SORCS2: variants seen among roughly 807,000 people sequenced by gnomAD.
SORCS2 encodes the protein VPS10 domain-containing receptor SorCS2.
A neutral mutation model predicts 141.6 loss-of-function variants in SORCS2; 100 were observed. That is an observed-to-expected ratio of 0.71 (90% CI 0.60 to 0.83). The LOEUF (loss-of-function observed/expected upper bound fraction) is 0.83. SORCS2 is among the 40% of genes least tolerant of loss of function. SORCS2 has a pLI of 0.00. For missense variants in SORCS2, 1,646 were observed against 1,560.2 expected (o/e 1.05, Z -0.93); for synonymous variants, 789 against 676.9 (o/e 1.17, Z -2.57).
chr4:7,211,068 A>G (rs1215638746), intron 1 of SORCS2, among the ~76,000 whole-genome samples: 8 of 152,268 alleles, frequency 5.3e-5, no homozygotes, highest in Non-Finnish European at 1.2e-4. Flanking sequence ...CACTTGTGCA[A>G]GAAATTTTTG....
chr4:7,440,927 C>G (rs2884810), intron 2 of SORCS2, among the ~76,000 whole-genome samples: 28,218 of 151,952 alleles, frequency 0.19, 2,807 homozygotes, highest in East Asian at 0.33. Flanking sequence ...TGGCTCTTTG[C>G]GGTGGAGAGA....
rs1164215512 is a variant in SORCS2, at chr4:7,648,972, C to A, written c.814-5162C>A. Among the ~76,000 whole-genome samples, 1 of 152,164 alleles carries A rather than the reference C, an allele frequency of 6.6e-6. No homozygotes were observed. Among genetic ancestry groups the A allele is most frequent in the Non-Finnish European group, 1.5e-5 (1 of 68,024 alleles). On this transcript the variant is annotated intron_variant, in intron 4 of 26. Coordinates refer to ENST00000507866, the MANE Select transcript of SORCS2 (RefSeq NM_020777.3). This position sits in a 1 kb window ranked among gnomAD's most constrained non-coding sequence, Gnocchi z 4.2. ...ACGCCTGGGGATCCCTCCCCCGAGC[C>A]CAGCTGGCACTGGCACCAGGACATG...
intron 9 of SORCS2, among the ~76,000 whole-genome samples, chr4:7,682,253 A>G (rs775874075): frequency 6.6e-6 from 1 of 152,162 alleles, no homozygotes; most frequent in Non-Finnish European, 1.5e-5. Context: ...TCCTGTCTTC[A>G]TTCCTTGGCA....
intron 2 of SORCS2, among the ~76,000 whole-genome samples, chr4:7,455,076 G>GCA (rs1728797014): frequency 1.3e-5 from 1 of 79,868 alleles, no homozygotes; most frequent in Non-Finnish European, 2.5e-5. Flanking sequence ...GGGGTCAGCT[G>GCA]CTGTGTTGGG....
At chr4:7,525,053 G>A (rs1294647686) in intron 2 of SORCS2, among the ~76,000 whole-genome samples, 3 of 152,228 alleles carry the variant, frequency 2.0e-5, no homozygotes, top group Non-Finnish European at 2.9e-5. Context: ...GGCCGGGCAC[G>A]CCCACTGGGC....
chr4:7,411,279 C>A (rs1237322340), intron 2 of SORCS2, among the ~76,000 whole-genome samples: 2 of 152,032 alleles, frequency 1.3e-5, no homozygotes, highest in African/African-American at 4.8e-5. Context: ...GACTTTAATA[C>A]CTGCCCTCCC....
chr4:7,476,380 C>G (rs12499417), intron 2 of SORCS2, among the ~76,000 whole-genome samples: 19,198 of 152,130 alleles, frequency 0.13, 1,586 homozygotes, highest in South Asian at 0.24. Flanking sequence ...CTGGGGCTGG[C>G]TGGGCAGAGT....
intron 3 of SORCS2, among the ~76,000 whole-genome samples, chr4:7,630,380 G>T (rs994505990): frequency 6.6e-6 from 1 of 152,208 alleles, no homozygotes; most frequent in African/African-American, 2.4e-5. Flanking sequence ...GCAACAAAAA[G>T]AATGAAGACC....
intron 1 of SORCS2, among the ~76,000 whole-genome samples, chr4:7,269,929 G>C (rs1202611753): frequency 6.6e-6 from 1 of 152,218 alleles, no homozygotes; most frequent in Non-Finnish European, 1.5e-5. Context: ...ACCCAGGCTG[G>C]AGTGCAGTGG....
intron 5 of SORCS2, among the ~76,000 whole-genome samples, chr4:7,658,585 C>T (rs116312323): frequency 6.6e-6 from 1 of 152,206 alleles, no homozygotes; most frequent in African/African-American, 2.4e-5. Context: ...TAACTAGGGT[C>T]AAAATGATTG....
At chr4:7,515,943 G>C (rs758428921) in intron 2 of SORCS2, among the ~76,000 whole-genome samples, 4 of 152,206 alleles carry the variant, frequency 2.6e-5, no homozygotes, top group African/African-American at 9.6e-5. Context: ...TCACTCATGG[G>C]AGGGGTCCAA....
rs60067431 is a variant in SORCS2, at chr4:7,313,723, C to T, written c.481-82565C>T. On this transcript the variant is annotated intron_variant, in intron 1 of 26. Transcript: ENST00000507866. ...TCGCCTCCCCTTGTCTCTGGTCTGA[C>T]AGTAATGCTGTCCCGGAAGGATGTG... Among the ~76,000 whole-genome samples, 828 of 152,314 alleles carry T rather than the reference C, an allele frequency of 5.4e-3. 9 individuals are homozygous for T. The highest frequency in any genetic ancestry group is 0.019 in the African/African-American group (777 of 41,544).
intron 2 of SORCS2, among the ~76,000 whole-genome samples, chr4:7,403,981 ATATATATATATATATAT>A (rs1236134532): frequency 4.8e-4 from 8 of 16,840 alleles, no homozygotes; most frequent in Middle Eastern, 0.023. Flanking sequence ...ATATATATAT[ATATATATATATATATAT>A]TTTTTTTTTT....
chr4:7,329,925 G>A (rs1719538789), intron 1 of SORCS2, among the ~76,000 whole-genome samples: 1 of 152,118 alleles, frequency 6.6e-6, no homozygotes, highest in Non-Finnish European at 1.5e-5. Context: ...CTTGGGTCGA[G>A]GAGCACCTGT....
rs1419480749 is a variant in SORCS2 at position 7,663,120 on chromosome 4, G to A, written c.953-1233G>A. ...TGAGTAAGTGAATGAGAGAATGAGT[G>A]AGTGGGTGAATAAGTGAGTGAGTAA... On this transcript the variant is annotated intron_variant, in intron 6 of 26. Coordinates refer to ENST00000507866, the MANE Select transcript of SORCS2 (RefSeq NM_020777.3). The surrounding 1 kb of genome is among the most constrained non-coding windows in gnomAD (Gnocchi z 4.8). 6.6e-6 allele frequency among the ~76,000 whole-genome samples: 1 copy of A among 152,068 alleles called. No homozygotes were observed. The highest frequency in any genetic ancestry group is 1.5e-5 in the Non-Finnish European group (1 of 68,014).
intron 1 of SORCS2, among the ~76,000 whole-genome samples, chr4:7,255,425 C>A (rs574587901): frequency 2.6e-5 from 4 of 152,004 alleles, no homozygotes; most frequent in African/African-American, 7.2e-5. Flanking sequence ...TGAGTTGGAG[C>A]GAATTGTCAG....
chr4:7,406,637 C>T (rs184459932), intron 2 of SORCS2, among the ~76,000 whole-genome samples: 3 of 151,660 alleles, frequency 2.0e-5, no homozygotes, highest in South Asian at 2.1e-4. Flanking sequence ...CTTTTCTAGT[C>T]GGTCTACTTT....
chr4:7,564,847 T>G (rs28579975), intron 3 of SORCS2, among the ~76,000 whole-genome samples: 2,555 of 152,352 alleles, frequency 0.017, 68 homozygotes, highest in African/African-American at 0.058. Context: ...AATTCCCTGA[T>G]TTCTAGGCAG....
chr4:7,231,849 G>A (rs765603763), intron 1 of SORCS2, among the ~76,000 whole-genome samples: 10 of 152,182 alleles, frequency 6.6e-5, no homozygotes, highest in Non-Finnish European at 1.0e-4. Context: ...CGAGGACAAG[G>A]ATATAAGTGT....
Sources: allele counts gnomAD v4.1 joint callset (sites outside exome capture counted in the v4.1 genomes callset), GRCh38; gene constraint gnomAD v4.1.1; non-coding constraint Gnocchi (gnomAD v3.1); transcripts MANE v1.5; gene names NCBI Gene and HGNC (gene_info 2026-07-23, HGNC 2026-07-21).